The following ILRUN variants were observed in gnomAD, a reference collection of about 807,000 sequenced individuals.
ILRUN encodes inflammation and lipid regulator with UBA-like and NBR1-like domains.
In ILRUN, 3 loss-of-function variants were observed where a neutral mutation model predicts 33.8. The observed-to-expected ratio is 0.09, with a 90% CI of 0.04 to 0.23. ILRUN has a LOEUF of 0.23. Ranked by LOEUF, ILRUN falls within the 10% of genes least tolerant of loss-of-function variation. ILRUN has a pLI of 1.00. For missense variants in ILRUN, 210 were observed against 375.1 expected (o/e 0.56, Z 3.64); for synonymous variants, 124 against 138.9 (o/e 0.89, Z 0.75).
chr6:34,621,721 G>A (rs1029647649), intron 3 of ILRUN, among the ~76,000 whole-genome samples: 1 of 152,102 alleles, frequency 6.6e-6, no homozygotes, highest in African/African-American at 2.4e-5. Flanking sequence ...AATTAGCCAG[G>A]CATGGTGGCG....
intron 3 of ILRUN, among the ~76,000 whole-genome samples, chr6:34,628,180 C>T (rs1167221074): frequency 6.6e-6 from 1 of 151,842 alleles, no homozygotes; most frequent in African/African-American, 2.4e-5. Flanking sequence ...ACCACTGTGC[C>T]CCGCTAATTT....
Position 34,617,879 on chromosome 6 carries a change from G to A in ILRUN, c.512-10975C>T, listed in dbSNP as rs186210209. 5.9e-5 allele frequency among the ~76,000 whole-genome samples: 9 copies of A among 152,190 alleles called. No individual in the cohort carries two copies. In the East Asian group the frequency reaches 1.7e-3, roughly 29 times the overall value. On this transcript the variant is annotated intron_variant, in intron 3 of 4. Transcript: ENST00000374023. Reference sequence around the variant, plus strand: ...GAGTAACAAATCAGATCAACCAATGGGCACAAGTTCACGCAGGAAAGAAGA... The same window carrying A: ...GAGTAACAAATCAGATCAACCAATGAGCACAAGTTCACGCAGGAAAGAAGA...
rs774473177 is a variant in ILRUN at position 34,655,903 on chromosome 6, G to T, written c.159-1124C>A. ...GGTTAAAAAAAATATATCTCAGTGA[G>T]ATCTTGAGAGGCTGAGTATCTTTTT... is the stretch of plus-strand genomic sequence containing the variant. On this transcript the variant is annotated intron_variant, in intron 1 of 4. Transcript: ENST00000374023. Among the ~76,000 whole-genome samples, 58 of 151,984 alleles carry T rather than the reference G, an allele frequency of 3.8e-4. 1 individual carries two copies. Among genetic ancestry groups the T allele is most frequent in the Admixed American group, 1.3e-4 (2 of 15,262 alleles).
intron 1 of ILRUN, among the ~76,000 whole-genome samples, chr6:34,665,613 G>A (rs1345867286): frequency 2.0e-5 from 3 of 152,004 alleles, no homozygotes; most frequent in Non-Finnish European, 4.4e-5. Flanking sequence ...AATTATAATA[G>A]AGATAGGGTC....
At chr6:34,643,669 C>T (rs767944159) in intron 3 of ILRUN, among the ~76,000 whole-genome samples, 112 of 152,296 alleles carry the variant, frequency 7.4e-4, no homozygotes, top group Non-Finnish European at 1.3e-3. Context: ...CTTGATGAAG[C>T]TTATGTTGAG....
chr6:34,611,954 G>A (rs1761762840), intron 3 of ILRUN, among the ~76,000 whole-genome samples: 2 of 152,152 alleles, frequency 1.3e-5, no homozygotes, highest in South Asian at 4.1e-4. Flanking sequence ...TTACCCACAG[G>A]TCTTTGGCAC....
At chr6:34,643,052 T>C (rs906960327) in intron 3 of ILRUN, among the ~76,000 whole-genome samples, 4 of 151,488 alleles carry the variant, frequency 2.6e-5, no homozygotes, top group African/African-American at 4.9e-5. Context: ...TCCCAGCACT[T>C]TGGGAGGCCA....
chr6:34,607,765 G>A (rs900577847), intron 3 of ILRUN, among the ~76,000 whole-genome samples: 2 of 152,080 alleles, frequency 1.3e-5, no homozygotes, highest in East Asian at 3.8e-4. Flanking sequence ...AATACTGTAG[G>A]CAACTGTAAT....
At chr6:34,658,490 CTTTTTT>C (rs71538252) in intron 1 of ILRUN, among the ~76,000 whole-genome samples, 2 of 130,888 alleles carry the variant, frequency 1.5e-5, no homozygotes, top group Non-Finnish European at 3.3e-5. Flanking sequence ...TTTTCTTTTT[CTTTTTT>C]TTTTTTTTTT....
In ILRUN at chr6:34,614,435, A is replaced by ATATAT. The variant is rs1289507613; in HGVS notation, c.512-7532_512-7531insATATA. ...AGACTCCATCTCAAAAAATAATAAAAAAAAAAAAATATATATATATAAAAT... is the reference window on the plus strand; with the variant it reads ...AGACTCCATCTCAAAAAATAATAAAATATATAAAAAAAAATATATATATATAAAAT... On this transcript the variant is annotated intron_variant, in intron 3 of 4. Transcript: ENST00000374023. 7.3e-4 allele frequency among the ~76,000 whole-genome samples: 90 copies of ATATAT among 123,392 alleles called. 5 individuals carry two copies. The highest frequency in any genetic ancestry group is 3.3e-3 in the African/African-American group (85 of 26,110). The allele number at this position is 123,392 out of a possible 152,430, so 80.9% of individuals were successfully genotyped here. A position where few individuals can be genotyped will look rare whatever the true frequency, so the allele number is the denominator to read the frequency against.
intron 3 of ILRUN, among the ~76,000 whole-genome samples, chr6:34,623,578 A>G (rs142830275): frequency 1.4e-3 from 218 of 152,364 alleles, no homozygotes; most frequent in African/African-American, 4.2e-3. Flanking sequence ...GTAATATAGC[A>G]TGAAACTACA....
At position 34,696,332 on chromosome 6, in the gene ILRUN, G is replaced by T; in HGVS notation, c.158+114C>A. The T allele has an allele frequency of 4.5e-6, 5 of 1,119,316 alleles. No individual in the cohort carries two copies. In the South Asian group the frequency reaches 6.3e-5, roughly 14 times the overall value. 69.3% of individuals were successfully genotyped at this position (1,119,316 alleles called of 1,614,324 possible). A position where few individuals can be genotyped will look rare whatever the true frequency, so the allele number is the denominator to read the frequency against. On this transcript the variant is annotated intron_variant, in intron 1 of 4. Transcript: ENST00000374023. ...GACTCGTCCTCCCCGTCCCGGGAAG[G>T]GGTGGCCCTCAGTACCCGCCTGGCT...
At chr6:34,639,579 G>A (rs960497444) in intron 3 of ILRUN, among the ~76,000 whole-genome samples, 2 of 152,030 alleles carry the variant, frequency 1.3e-5, no homozygotes, top group Admixed American at 1.3e-4. Context: ...GAACTCTCTG[G>A]GGAAAACTGA....
intron 4 of ILRUN, chr6:34,595,652 ACT>A (rs1761385725): frequency 1.7e-6 from 1 of 583,594 alleles, no homozygotes; most frequent in Non-Finnish European, 2.2e-6. Context: ...TTTTTGCATT[ACT>A]CTTTCTGTAT....
chr6:34,632,673 AC>A, intron 3 of ILRUN, among the ~76,000 whole-genome samples: 1 of 126,878 alleles, frequency 7.9e-6, no homozygotes, highest in Non-Finnish European at 1.6e-5. Flanking sequence ...CAACTAACAC[AC>A]CCGGCTAATT....
At chr6:34,636,468 T>C (rs890422956) in intron 3 of ILRUN, among the ~76,000 whole-genome samples, 1 of 152,144 alleles carries the variant, frequency 6.6e-6, no homozygotes, top group African/African-American at 2.4e-5. Context: ...CCTTGCCATT[T>C]CAAGGTAAAA....
At chr6:34,600,515 A>T (rs1377489675) in intron 4 of ILRUN, among the ~76,000 whole-genome samples, 1 of 152,174 alleles carries the variant, frequency 6.6e-6, no homozygotes, top group South Asian at 2.1e-4. Flanking sequence ...GAAAAATAAG[A>T]CCCCAGAGAC....
At chr6:34,644,271 C>A (rs539021758) in intron 3 of ILRUN, among the ~76,000 whole-genome samples, 12 of 152,172 alleles carry the variant, frequency 7.9e-5, no homozygotes, top group African/African-American at 2.6e-4. Context: ...CTTCTTCTCC[C>A]CTTAAAAATG....
chr6:34,662,166 C>T (rs1425922260), intron 1 of ILRUN, among the ~76,000 whole-genome samples: 9 of 120,630 alleles, frequency 7.5e-5, no homozygotes, highest in South Asian at 2.8e-4. Flanking sequence ...ATTAGCTGGG[C>T]GTGGTGGCAG....
Sources: gnomAD v4.1 joint callset for allele counts (sites outside exome capture counted in the v4.1 genomes callset) on GRCh38, gnomAD v4.1.1 for gene constraint, MANE v1.5 for transcripts, NCBI Gene and HGNC (gene_info 2026-07-23, HGNC 2026-07-21) for gene names.